Variants in PRDM16 observed in about 807,000 individuals in gnomAD.
PRDM16 encodes the protein PR/SET domain 16.
Under a neutral mutation model 110.6 loss-of-function variants are expected in PRDM16, and 23 were observed. The ratio of observed to expected loss-of-function variants is 0.21; its 90% confidence interval spans 0.15 to 0.29. The LOEUF (loss-of-function observed/expected upper bound fraction) is 0.29. PRDM16 is among the 10% of genes least tolerant of loss of function. The pLI is 1.00. For synonymous variants in PRDM16, 799 were observed against 781.8 expected, an observed-to-expected ratio of 1.02 and a Z score of -0.37; for missense variants, 1,615 against 1,794.3, an observed-to-expected ratio of 0.90 and a Z score of 1.81.
At chr1:3,404,491 T>A (rs1643526413) in intron 6 of PRDM16, among the ~76,000 whole-genome samples, 1 of 152,060 alleles carries the variant, frequency 6.6e-6, no homozygotes, top group South Asian at 2.1e-4. Flanking sequence ...CTGGGGGTGG[T>A]CTTGGGTGAG....
chr1:3,235,823 G>T (rs1047113143), intron 2 of PRDM16, among the ~76,000 whole-genome samples: 11 of 152,344 alleles, frequency 7.2e-5, no homozygotes, highest in East Asian at 1.9e-4. Context: ...TCTCCCCCAG[G>T]CCCCTCATTT....
chr1:3,070,760 C>T (rs1641735747), intron 1 of PRDM16, among the ~76,000 whole-genome samples: 1 of 152,172 alleles, frequency 6.6e-6, no homozygotes, highest in South Asian at 2.1e-4. Flanking sequence ...GTCCCAACAG[C>T]TGCCCCGCGG....
intron 1 of PRDM16, among the ~76,000 whole-genome samples, chr1:3,170,694 C>T (rs1473384481): frequency 2.0e-5 from 3 of 152,238 alleles, no homozygotes; most frequent in South Asian, 4.1e-4. Flanking sequence ...GAGGCGGGGC[C>T]CGGGGGAGCA....
At chr1:3,380,716 C>T (rs951095996) in intron 3 of PRDM16, among the ~76,000 whole-genome samples, 3 of 152,116 alleles carry the variant, frequency 2.0e-5, no homozygotes, top group African/African-American at 4.8e-5. Context: ...TCAGGCCGCA[C>T]GCAAATACCT....
At chr1:3,356,354 C>T (rs1483635933) in intron 3 of PRDM16, among the ~76,000 whole-genome samples, 3 of 152,226 alleles carry the variant, frequency 2.0e-5, no homozygotes, top group Non-Finnish European at 4.4e-5. Context: ...TGACCGTCTG[C>T]TCAGGACGTG....
At chr1:3,195,597 G>A (rs924000072) in intron 2 of PRDM16, among the ~76,000 whole-genome samples, 1 of 122,762 alleles carries the variant, frequency 8.1e-6, no homozygotes, top group Admixed American at 8.0e-5. Flanking sequence ...CGCCCCCCCT[G>A]TCCCAGTGAC....
Position 3,412,674 on chromosome 1 carries a change from A to G in PRDM16, c.2477A>G (p.His826Arg). Reference sequence around the variant, plus strand: ...GGCGGGCGGGAGCCCCGCAAGAACCACGTCTATGGGGAACGCAAGCTGGGC... The same window carrying G: ...GGCGGGCGGGAGCCCCGCAAGAACCGCGTCTATGGGGAACGCAAGCTGGGC... ...NGGGREPRKN[H>R]VYGERKLGAG... The change falls in exon 9 of 17, where the codon CAC becomes CGC. Residue 826 changes from histidine to arginine, a missense_variant. By Grantham distance (29) the His-to-Arg change is conservative. Around this residue, in one of 5 missense-constraint regions of PRDM16, gnomAD observed 772 missense variants for 748.3 expected, o/e 1.03. Transcript: ENST00000270722. 5 of 1,506,978 alleles carry G rather than the reference A, an allele frequency of 3.3e-6. No homozygotes were observed. Among genetic ancestry groups the G allele is most frequent in the Non-Finnish European group, 4.4e-6 (5 of 1,128,128 alleles). 93.4% of individuals were successfully genotyped at this position (1,506,978 alleles called of 1,614,324 possible). A position where few individuals can be genotyped will look rare whatever the true frequency, so the allele number is the denominator to read the frequency against.
rs1638265554 is a variant in PRDM16 at position 3,190,213 on chromosome 1, G to GTGGGGCAGCCTTACTTCAAGGTCA, written c.387+3762_387+3763insATGGGGCAGCCTTACTTCAAGGTC. On this transcript the variant is annotated intron_variant, in intron 2 of 16. Transcript: ENST00000270722. This position sits in a 1 kb window ranked among gnomAD's most constrained non-coding sequence, Gnocchi z 5.0. Reference sequence around the variant, plus strand: ...CGTGGGGCAGCGTTACTTCAAGGTCGTGGGGCAGCCTTACTTCAAGGTCGT... The same window carrying GTGGGGCAGCCTTACTTCAAGGTCA: ...CGTGGGGCAGCGTTACTTCAAGGTCGTGGGGCAGCCTTACTTCAAGGTCATGGGGCAGCCTTACTTCAAGGTCGT... Among the ~76,000 whole-genome samples the GTGGGGCAGCCTTACTTCAAGGTCA allele has an allele frequency of 3.6e-4, 52 of 145,874 alleles. 6 individuals carry two copies. The South Asian group carries it at 9.2e-3, about 26-fold the overall frequency.
rs771945287 is a variant in PRDM16, at chr1:3,335,304, G to A, written c.439-49848G>A. On this transcript the variant is annotated intron_variant, in intron 3 of 16. Coordinates refer to ENST00000270722, the MANE Select transcript of PRDM16 (RefSeq NM_022114.4). ...CAAAGGAGACTTTTCACAGCCTTCC[G>A]CTTGGGAAAGTGAATGAAAGAACGT... Among the ~76,000 whole-genome samples the A allele has an allele frequency of 1.4e-4, 22 of 152,312 alleles. No homozygotes were observed. The East Asian group carries it at 3.1e-3, about 21-fold the overall frequency.
intron 3 of PRDM16, among the ~76,000 whole-genome samples, chr1:3,282,673 C>T (rs552098941): frequency 6.6e-6 from 1 of 152,334 alleles, no homozygotes; most frequent in African/African-American, 2.4e-5. Flanking sequence ...GCAGGCATCT[C>T]CCGAGACCCA....
At chr1:3,325,999 C>CTCCTTGGCCATCCTCGACCATCCTTGG (rs1641888529) in intron 3 of PRDM16, among the ~76,000 whole-genome samples, 1 of 144,924 alleles carries the variant, frequency 6.9e-6, no homozygotes, top group Non-Finnish European at 1.5e-5. Context: ...ATCCTTGGCC[C>CTCCTTGGCCATCCTCGACCATCCTTGG]CCCTTGGCCA....
intron 12 of PRDM16, among the ~76,000 whole-genome samples, chr1:3,421,312 A>G (rs966225793): frequency 4.6e-5 from 7 of 152,044 alleles, no homozygotes; most frequent in Admixed American, 2.0e-4. Context: ...TCCCCTGCCA[A>G]TGGCTTCTCT....
chr1:3,383,586 A>G (rs1368450187), intron 3 of PRDM16, among the ~76,000 whole-genome samples: 3 of 152,174 alleles, frequency 2.0e-5, no homozygotes, highest in African/African-American at 7.2e-5. Flanking sequence ...ACTTTTCAAA[A>G]GAATTCCAGC....
rs958816204 is a variant in PRDM16, at chr1:3,353,410, C to T, written c.439-31742C>T. ...CCACATCTGAAATTGGACCCGAATG[C>T]GCATGGGGACACCATCCTGCAGCCT... On this transcript the variant is annotated intron_variant, in intron 3 of 16. Transcript: ENST00000270722. This position sits in a 1 kb window ranked among gnomAD's most constrained non-coding sequence, Gnocchi z 5.4. Among the ~76,000 whole-genome samples, 16 of 152,136 alleles carry T rather than the reference C, an allele frequency of 1.1e-4. No individual in the cohort carries two copies. Among genetic ancestry groups the T allele is most frequent in the African/African-American group, 1.7e-4 (7 of 41,434 alleles).
intron 3 of PRDM16, among the ~76,000 whole-genome samples, chr1:3,303,472 A>G (rs530098254): frequency 1.3e-5 from 2 of 152,280 alleles, no homozygotes; most frequent in African/African-American, 2.4e-5. Context: ...CCAAATGTCC[A>G]CTAATGGACA....
At chr1:3,156,989 G>A (rs1001102024) in intron 1 of PRDM16, among the ~76,000 whole-genome samples, 4 of 152,192 alleles carry the variant, frequency 2.6e-5, no homozygotes, top group Non-Finnish European at 4.4e-5. Context: ...GTTAGCGTGT[G>A]GTGCAAGCTG....
chr1:3,103,148 T>A (rs934492599), intron 1 of PRDM16, among the ~76,000 whole-genome samples: 1 of 152,204 alleles, frequency 6.6e-6, no homozygotes, highest in African/African-American at 2.4e-5. Context: ...CCACCACGCC[T>A]GTCCTGGTGA....
At chr1:3,301,883 CCT>C (rs1163775047) in intron 3 of PRDM16, among the ~76,000 whole-genome samples, 2 of 152,158 alleles carry the variant, frequency 1.3e-5, no homozygotes, top group African/African-American at 4.8e-5. Context: ...CCTGACGCCC[CCT>C]GTTTGAGGCC....
chr1:3,181,039 TAC>T (rs879939199), intron 1 of PRDM16, among the ~76,000 whole-genome samples: 4,213 of 136,902 alleles, frequency 0.031, 105 homozygotes, highest in Admixed American at 0.047. Flanking sequence ...CACGCGGTCT[TAC>T]ACACGCAGTC....
Sources: gnomAD v4.1 joint callset for allele counts (sites outside exome capture counted in the v4.1 genomes callset) on GRCh38, gnomAD v4.1.1 for gene constraint, gnomAD v4.1.1 regional missense constraint, Gnocchi (gnomAD v3.1) non-coding constraint, MANE v1.5 for transcripts, NCBI Gene and HGNC (gene_info 2026-07-23, HGNC 2026-07-21) for gene names.